LPIN2: variants seen among roughly 807,000 people sequenced by gnomAD.
LPIN2 encodes the protein lipin 2, also known as phosphatidate phosphatase LPIN2.
In LPIN2, 55 loss-of-function variants were observed where a neutral mutation model predicts 111.4. The observed-to-expected ratio is 0.49, with a 90% CI of 0.40 to 0.62. LPIN2 has a LOEUF of 0.62. LPIN2 is among the 20% of genes least tolerant of loss of function. LPIN2 has a pLI of 0.00. For missense variants in LPIN2, 992 were observed against 1,112.1 expected, an observed-to-expected ratio of 0.89 and a Z score of 1.54; for synonymous variants, 425 against 414.0, an observed-to-expected ratio of 1.03 and a Z score of -0.32.
intron 7 of LPIN2, among the ~76,000 whole-genome samples, chr18:2,936,214 A>T (rs894087540): frequency 3.3e-5 from 5 of 151,826 alleles, no homozygotes; most frequent in African/African-American, 1.2e-4. Flanking sequence ...TGGTGCTAGA[A>T]TTTTTTTTTA....
At chr18:3,000,923 T>C (rs1227917229) in intron 1 of LPIN2, among the ~76,000 whole-genome samples, 7 of 32,976 alleles carry the variant, frequency 2.1e-4, no homozygotes, top group African/African-American at 6.0e-4. Context: ...CAAAGAAAGG[T>C]GCTAAAAAAA....
At chr18:3,004,538 G>A (rs941974407) in intron 1 of LPIN2, among the ~76,000 whole-genome samples, 76 of 152,252 alleles carry the variant, frequency 5.0e-4, no homozygotes, top group African/African-American at 1.8e-3. Flanking sequence ...TTTAACTTAA[G>A]GATCCTTCTA....
At chr18:3,005,954 G>C (rs2078509138) in intron 1 of LPIN2, among the ~76,000 whole-genome samples, 3 of 152,206 alleles carry the variant, frequency 2.0e-5, no homozygotes, top group Non-Finnish European at 4.4e-5. Flanking sequence ...GGAACTGTCA[G>C]AGTCCTTGGG....
chr18:2,998,684 AT>A (rs11407306), intron 1 of LPIN2, among the ~76,000 whole-genome samples: 1 of 150,848 alleles, frequency 6.6e-6, no homozygotes, highest in Non-Finnish European at 1.5e-5. Context: ...TACATGACAG[AT>A]TTTTTTTTAA....
At chr18:2,939,812 T>C (rs555564135) in intron 5 of LPIN2, among the ~76,000 whole-genome samples, 59 of 152,360 alleles carry the variant, frequency 3.9e-4, no homozygotes, top group Admixed American at 7.8e-4. Context: ...TTAAGAGGAC[T>C]TACCAGGTCC....
rs1422833638 is a variant in LPIN2 at position 2,922,280 on chromosome 18, TTTTC to T, written c.2175-85_2175-82del. The stretch of plus-strand genomic sequence containing the variant: ...AAAAAACAAAAAAAAAACCCCACAC[TTTTC>T]TTTCTTTTTTTTTTGAGTCTCACTC... On this transcript the variant is annotated intron_variant, in intron 16 of 19. Transcript: ENST00000677752. 616 of 1,496,004 alleles carry T rather than the reference TTTTC, an allele frequency of 4.1e-4. No individual in the cohort carries two copies. The African/African-American group carries it at 4.2e-3, about 10-fold the overall frequency. 92.7% of individuals were successfully genotyped at this position (1,496,004 alleles called of 1,614,324 possible).
In LPIN2 at chr18:3,012,391, G is replaced by C. The variant is rs532227026; in HGVS notation, c.-10+696C>G. ...AAAGAGTCTTAAAATGTTCAGGCGA[G>C]TGGAGAAAATGGTGATCCGCTGGCG... On this transcript the variant is annotated intron_variant, in intron 1 of 19. Coordinates refer to ENST00000677752, the MANE Select transcript of LPIN2 (RefSeq NM_001375808.2). Among the ~76,000 whole-genome samples the C allele has an allele frequency of 1.1e-4, 17 of 152,384 alleles. 1 individual carries two copies. The South Asian group carries it at 2.9e-3, about 26-fold the overall frequency.
Position 2,920,370 on chromosome 18 carries a change from A to G in LPIN2, c.2614T>C (p.Phe872Leu), listed in dbSNP as rs776541545. 6.2e-7 allele frequency: 1 copy of G among 1,614,108 alleles called. No individual in the cohort carries two copies. The highest frequency in any genetic ancestry group is 8.5e-7 in the Non-Finnish European group (1 of 1,180,024). The change falls in exon 20 of 20, where the codon TTT becomes CTT. Residue 872 changes from phenylalanine to leucine, a missense_variant. Phe to Leu is a conservative substitution (Grantham distance 22). This residue lies in a region of LPIN2 where 185 missense variants were observed against 186.5 expected (regional missense o/e 0.99). Coordinates refer to ENST00000677752, the MANE Select transcript of LPIN2 (RefSeq NM_001375808.2). Reference sequence around the variant, plus strand: ...AAGGAGCTGAACTCCGGGCAGGGAAAAGCGGAATTCTGCTCCTTACTGAGA... The same window carrying G: ...AAGGAGCTGAACTCCGGGCAGGGAAGAGCGGAATTCTGCTCCTTACTGAGA... ...PLLSKEQNSA[F>L]PCPEFSSFCY...
Position 2,937,702 on chromosome 18 carries a change from T to C in LPIN2, c.1158A>G (p.Ser386=). Residue 386 remains serine (S), a synonymous_variant, in exon 7 of 20, where the codon TCA becomes TCG. Coordinates refer to ENST00000677752, the MANE Select transcript of LPIN2 (RefSeq NM_001375808.2). ...TAAACAAACGATTACCTTTCTTCTT[T>C]GACGGCGAGTCTACTTTAGCTGCCG... The part of the protein sequence containing the change: ...SKPAAKVDSP[S]KKKGVHKRSQ... 6.2e-7 allele frequency: 1 copy of C among 1,614,086 alleles called. No homozygotes were observed. Among genetic ancestry groups the C allele is most frequent in the South Asian group, 1.1e-5 (1 of 91,086 alleles).
intron 4 of LPIN2, among the ~76,000 whole-genome samples, chr18:2,943,705 T>C (rs1455539826): frequency 1.3e-5 from 2 of 152,252 alleles, no homozygotes. Flanking sequence ...ACTTGAAAAA[T>C]TTTAAATACA....
chr18:2,987,798 T>TA (rs2078208229), intron 1 of LPIN2, among the ~76,000 whole-genome samples: 1 of 152,054 alleles, frequency 6.6e-6, no homozygotes, highest in East Asian at 1.9e-4. Flanking sequence ...TAAGTGTACT[T>TA]AGAATCCAGG....
chr18:2,987,144 C>A (rs1295079727), intron 1 of LPIN2, among the ~76,000 whole-genome samples: 1 of 152,148 alleles, frequency 6.6e-6, no homozygotes, highest in African/African-American at 2.4e-5. Context: ...CTCAAAAAAT[C>A]CTGTTGAAAT....
At chr18:2,959,233 G>A (rs1470780755) in intron 2 of LPIN2, among the ~76,000 whole-genome samples, 6 of 152,184 alleles carry the variant, frequency 3.9e-5, no homozygotes, top group Admixed American at 6.5e-5. Flanking sequence ...TGGTTCTCCA[G>A]TGGAAACTGA....
chr18:2,922,528 C>G (rs2077070433), intron 16 of LPIN2, among the ~76,000 whole-genome samples: 1 of 152,164 alleles, frequency 6.6e-6, no homozygotes, highest in South Asian at 2.1e-4. Context: ...CTGCCCACCT[C>G]AGCCTCCCAA....
At chr18:2,940,772 TC>T in intron 4 of LPIN2, 60 bp from the exon 5 acceptor site, 1 of 974,392 alleles carries the variant, frequency 1.0e-6, no homozygotes, top group Non-Finnish European at 1.6e-6. Flanking sequence ...CTTTAAAATA[TC>T]CCCCAAACCT....
intron 1 of LPIN2, among the ~76,000 whole-genome samples, chr18:2,961,207 T>A (rs974237865): frequency 6.6e-6 from 1 of 152,114 alleles, no homozygotes; most frequent in Non-Finnish European, 1.5e-5. Flanking sequence ...CCAAGACCCT[T>A]TGGAACCTGC....
Position 2,997,107 on chromosome 18 carries a change from G to A in LPIN2, c.-10+15980C>T, listed in dbSNP as rs370117689. 4.0e-5 allele frequency among the ~76,000 whole-genome samples: 6 copies of A among 151,744 alleles called. 1 individual carries two copies. The highest frequency in any genetic ancestry group is 9.7e-5 in the African/African-American group (4 of 41,292). Reference sequence around the variant, plus strand: ...AGCAATTCTCCTGCTTCAGCCTCCCGAGTAGCTAGGATTACAGGTACCCAC... The same window carrying A: ...AGCAATTCTCCTGCTTCAGCCTCCCAAGTAGCTAGGATTACAGGTACCCAC... On this transcript the variant is annotated intron_variant, in intron 1 of 19. Coordinates refer to ENST00000677752, the MANE Select transcript of LPIN2 (RefSeq NM_001375808.2).
chr18:2,924,163 A>G (rs931479909), intron 15 of LPIN2, among the ~76,000 whole-genome samples: 7 of 152,222 alleles, frequency 4.6e-5, no homozygotes, highest in Non-Finnish European at 1.0e-4. Context: ...TTGAAACCAA[A>G]TAACTAATCT....
chr18:2,924,121 C>G (rs1324336043), intron 15 of LPIN2, among the ~76,000 whole-genome samples: 1 of 152,140 alleles, frequency 6.6e-6, no homozygotes, highest in East Asian at 1.9e-4. Flanking sequence ...TTCCTCCGCC[C>G]CAATGTCAAG....
Sources: allele counts gnomAD v4.1 joint callset (sites outside exome capture counted in the v4.1 genomes callset), GRCh38; gene constraint gnomAD v4.1.1; regional missense constraint gnomAD v4.1.1; transcripts MANE v1.5; gene names NCBI Gene and HGNC (gene_info 2026-07-23, HGNC 2026-07-21).